Variants in PRKN observed in about 807,000 individuals in gnomAD.
The protein encoded by PRKN is parkin RBR E3 ubiquitin protein ligase.
A neutral mutation model predicts 59.5 loss-of-function variants in PRKN; 56 were observed. The observed-to-expected ratio is 0.94, with a 90% CI of 0.76 to 1.18. PRKN has a LOEUF of 1.18. PRKN is among the 50% of genes most tolerant of loss of function. The pLI, the probability that PRKN is intolerant of heterozygous loss-of-function variation, is 0.00. For missense variants in PRKN, 657 were observed against 596.4 expected, an observed-to-expected ratio of 1.10 and a Z score of -1.06; for synonymous variants, 250 against 222.1, an observed-to-expected ratio of 1.13 and a Z score of -1.12.
chr6:162,002,356 C>A (rs1248705304), intron 5 of PRKN, among the ~76,000 whole-genome samples: 1 of 151,998 alleles, frequency 6.6e-6, no homozygotes, highest in Non-Finnish European at 1.5e-5. Flanking sequence ...TCTTTTCAGA[C>A]TGTCTATTTC....
At chr6:161,469,953 C>T (rs1439802500) in intron 9 of PRKN, among the ~76,000 whole-genome samples, 1 of 152,188 alleles carries the variant, frequency 6.6e-6, no homozygotes, top group African/African-American at 2.4e-5. Flanking sequence ...AATAATTGTT[C>T]CGCTTAAAAA....
chr6:161,799,478 TCAGAGAGCTGAGTC>T (rs1790991783), intron 6 of PRKN, among the ~76,000 whole-genome samples: 1 of 152,196 alleles, frequency 6.6e-6, no homozygotes, highest in South Asian at 2.1e-4. Context: ...GCTCATCCGT[TCAGAGAGCTGAGTC>T]CAGTTTGGAG....
At chr6:161,902,564 A>ATCTATTT (rs1242030157) in intron 6 of PRKN, among the ~76,000 whole-genome samples, 23 of 112,024 alleles carry the variant, frequency 2.1e-4, no homozygotes, top group South Asian at 2.9e-4. Context: ...TTATTTATTT[A>ATCTATTT]TTTTTTTTTT....
chr6:162,007,678 CATT>C (rs1460250412), intron 5 of PRKN, among the ~76,000 whole-genome samples: 1 of 151,760 alleles, frequency 6.6e-6, no homozygotes, highest in Non-Finnish European at 1.5e-5. Context: ...TGGCAGACAA[CATT>C]ATTACCTTAA....
At position 161,533,595 on chromosome 6, in the gene PRKN, G is replaced by A. The variant is rs149642271; in HGVS notation, c.1083+15259C>T. Among the ~76,000 whole-genome samples the A allele has an allele frequency of 3.3e-5, 5 of 152,084 alleles. No individual in the cohort carries two copies. Among genetic ancestry groups the A allele is most frequent in the Non-Finnish European group, 7.4e-5 (5 of 68,018 alleles). ...TAGGGTGGGGCGACCAGCCTTCTTC[G>A]CGTGCTAAGTAAACGTCACACCTGG... On this transcript the variant is annotated intron_variant, in intron 9 of 11. Coordinates refer to ENST00000366898, the MANE Select transcript of PRKN (RefSeq NM_004562.3). This position sits in a 1 kb window ranked among gnomAD's most constrained non-coding sequence, Gnocchi z 4.1.
At chr6:161,478,442 A>G (rs1791229732) in intron 9 of PRKN, among the ~76,000 whole-genome samples, 1 of 152,256 alleles carries the variant, frequency 6.6e-6, no homozygotes, top group South Asian at 2.1e-4. Context: ...ATTACTGTTT[A>G]CCATCAGTAT....
intron 1 of PRKN, among the ~76,000 whole-genome samples, chr6:162,565,821 A>G (rs1197638317): frequency 6.6e-6 from 1 of 152,194 alleles, no homozygotes; most frequent in Non-Finnish European, 1.5e-5. Flanking sequence ...ACTCATTTAT[A>G]TGTTGCCTAC....
rs543930062 is a variant in PRKN at position 161,550,723 on chromosome 6, ATGTGTG to A, written c.934-1726_934-1721del. The stretch of plus-strand genomic sequence containing the variant: ...GGACAACTGTGGTAGAAGAAAGGGT[ATGTGTG>A]TGTGTGCACGTGTGTGTGTGTGTGT... On this transcript the variant is annotated intron_variant, in intron 8 of 11. Transcript: ENST00000366898. The surrounding 1 kb of genome is among the most constrained non-coding windows in gnomAD (Gnocchi z 4.0). 8.4e-6 allele frequency among the ~76,000 whole-genome samples: 1 copy of A among 119,350 alleles called. No individual in the cohort carries two copies. The highest frequency in any genetic ancestry group is 3.2e-5 in the African/African-American group (1 of 31,564). 78.3% of individuals were successfully genotyped at this position (119,350 alleles called of 152,430 possible). A position where few individuals can be genotyped will look rare whatever the true frequency, so the allele number is the denominator to read the frequency against.
intron 1 of PRKN, among the ~76,000 whole-genome samples, chr6:162,542,804 G>C (rs73591879): frequency 6.6e-6 from 1 of 152,022 alleles, no homozygotes; most frequent in Non-Finnish European, 1.5e-5. Context: ...ACCTCCACCC[G>C]GGGCACAGAG....
intron 7 of PRKN, among the ~76,000 whole-genome samples, chr6:161,712,593 T>C (rs944879224): frequency 6.6e-6 from 1 of 152,192 alleles, no homozygotes; most frequent in Admixed American, 6.5e-5. Flanking sequence ...GTTTTTATTT[T>C]GAATATAAAT....
intron 4 of PRKN, among the ~76,000 whole-genome samples, chr6:162,181,725 C>G (rs1370403601): frequency 1.3e-5 from 2 of 152,132 alleles, no homozygotes; most frequent in Non-Finnish European, 2.9e-5. Flanking sequence ...AGGTCCTAAG[C>G]AAATTGCTTT....
chr6:162,248,254 T>A lies in PRKN; in HGVS notation c.412+14271A>T, dbSNP rs561128323. 2.0e-5 allele frequency among the ~76,000 whole-genome samples: 3 copies of A among 152,062 alleles called. No homozygotes were observed. The South Asian group carries it at 6.2e-4, about 32-fold the overall frequency. The stretch of plus-strand genomic sequence containing the variant: ...CATTTTATGGGAAGACCAAGGAGAG[T>A]CATCAGAGCCCATGCTGTCCATTAT... On this transcript the variant is annotated intron_variant, in intron 3 of 11. Transcript: ENST00000366898.
Position 161,373,660 on chromosome 6 carries a change from A to G in PRKN, c.1167+13134T>C, listed in dbSNP as rs1019983555. On this transcript the variant is annotated intron_variant, in intron 10 of 11. Coordinates refer to ENST00000366898, the MANE Select transcript of PRKN (RefSeq NM_004562.3). This position sits in a 1 kb window ranked among gnomAD's most constrained non-coding sequence, Gnocchi z 4.8. ...AGGGGTGATGAGTTAAATGGGCTAC[A>G]CCTCTGTGCTTGCGGGGTGCTGAGT... Among the ~76,000 whole-genome samples, 8 of 150,406 alleles carry G rather than the reference A, an allele frequency of 5.3e-5. No homozygotes were observed. Among genetic ancestry groups the G allele is most frequent in the African/African-American group, 2.0e-4 (8 of 40,676 alleles).
At chr6:162,420,239 T>A (rs1277992179) in intron 2 of PRKN, among the ~76,000 whole-genome samples, 1 of 134,500 alleles carries the variant, frequency 7.4e-6, no homozygotes, top group Non-Finnish European at 1.6e-5. Context: ...ACCTAGATTC[T>A]TCACATGTAC....
At chr6:162,295,033 G>T (rs1041279522) in intron 2 of PRKN, among the ~76,000 whole-genome samples, 2 of 152,144 alleles carry the variant, frequency 1.3e-5, no homozygotes, top group African/African-American at 2.4e-5. Flanking sequence ...TTAATATACA[G>T]CCCTACATAA....
chr6:161,771,060 G>A (rs1410440750), intron 7 of PRKN, among the ~76,000 whole-genome samples: 2 of 152,050 alleles, frequency 1.3e-5, no homozygotes, highest in Non-Finnish European at 2.9e-5. Flanking sequence ...TGGGCAAACT[G>A]AGACAGTAGT....
intron 3 of PRKN, among the ~76,000 whole-genome samples, chr6:162,222,632 C>G (rs1251819791): frequency 6.6e-6 from 1 of 152,110 alleles, no homozygotes; most frequent in African/African-American, 2.4e-5. Context: ...GTTGATCCAT[C>G]CTTGTGAGAC....
chr6:162,042,264 A>C (rs1181154718), intron 5 of PRKN, among the ~76,000 whole-genome samples: 1 of 152,098 alleles, frequency 6.6e-6, no homozygotes, highest in Non-Finnish European at 1.5e-5. Context: ...TAAATGGAGA[A>C]AAATGCACTG....
At chr6:162,615,409 C>T (rs1043131506) in intron 1 of PRKN, among the ~76,000 whole-genome samples, 1 of 151,014 alleles carries the variant, frequency 6.6e-6, no homozygotes, top group Non-Finnish European at 1.5e-5. Context: ...GTTCAAGATA[C>T]CATCTCAAAT....
Sources: allele counts gnomAD v4.1 joint callset (sites outside exome capture counted in the v4.1 genomes callset), GRCh38; gene constraint gnomAD v4.1.1; non-coding constraint Gnocchi (gnomAD v3.1); transcripts MANE v1.5; gene names NCBI Gene and HGNC (gene_info 2026-07-23, HGNC 2026-07-21).